ZNF30: variants seen among roughly 807,000 people sequenced by gnomAD.
The protein encoded by ZNF30 is zinc finger protein 30 (KOX 28).
ZNF30 carries 15 observed loss-of-function variants against 13.2 expected under a neutral mutation model. That is an observed-to-expected ratio of 1.13 (90% confidence interval 0.76 to 1.75). ZNF30 has a LOEUF of 1.75. Among genes scored for constraint, ZNF30 ranks in the 40% most tolerant of loss-of-function variants. ZNF30 has a pLI of 0.00. For missense variants in ZNF30, 726 were observed against 757.0 expected (o/e 0.96, Z 0.48); for synonymous variants, 223 against 256.6 (o/e 0.87, Z 1.25).
chr19:34,928,252 T>TATATATATAG (rs1325117057), intron 1 of ZNF30, among the ~76,000 whole-genome samples: 145 of 56,436 alleles, frequency 2.6e-3, no homozygotes, highest in Middle Eastern at 0.012. Flanking sequence ...TATATATATA[T>TATATATATAG]ATAGATAGAT....
chr19:34,931,039 C>CTTTTTTT (rs56153327), intron 2 of ZNF30, among the ~76,000 whole-genome samples: 22 of 122,514 alleles, frequency 1.8e-4, no homozygotes, highest in African/African-American at 2.7e-4. Flanking sequence ...TTCTTTTTTT[C>CTTTTTTT]TTTTTTTTTT....
intron 4 of ZNF30, among the ~76,000 whole-genome samples, chr19:34,940,694 A>G (rs1470724045): frequency 7.3e-6 from 1 of 136,758 alleles, no homozygotes; most frequent in African/African-American, 3.0e-5. Flanking sequence ...AAAAAAAAAT[A>G]GAATATCATA....
In ZNF30 at chr19:34,943,660, T is replaced by C. The variant is rs763451196; in HGVS notation, c.694T>C (p.Tyr232His). Residue 232 changes from tyrosine to histidine, a missense_variant, in exon 5 of 5, where the codon TAT becomes CAT. By Grantham distance (83) the Tyr-to-His change is moderately conservative. Coordinates refer to ENST00000601142, the MANE Select transcript of ZNF30 (RefSeq NM_194325.3). ...GAGTATTCATACTGGGAAGAAACCA[T>C]ATGAGTGCGGGGAATGTGGGAAAGC... ...HKSIHTGKKP[Y>H]ECGECGKAFL... 5 of 1,613,696 alleles carry C rather than the reference T, an allele frequency of 3.1e-6. No homozygotes were observed. Among genetic ancestry groups the C allele is most frequent in the Non-Finnish European group, 3.4e-6 (4 of 1,179,782 alleles).
chr19:34,942,799 T>C (rs1312681618), intron 4 of ZNF30: 1 of 345,742 alleles, frequency 2.9e-6, no homozygotes, highest in Non-Finnish European at 5.5e-6. Flanking sequence ...TGTGGAAAGA[T>C]ACATGGATTT....
At position 34,943,254 on chromosome 19, in the gene ZNF30, T is replaced by C. The variant is rs754308368; in HGVS notation, c.288T>C (p.Cys96=). Reference sequence around the variant, plus strand: ...AGTTGGAAGATGATACAATCGGCTGTAAAGAAATGCCCACCTCTGAAAACT... The same window carrying C: ...AGTTGGAAGATGATACAATCGGCTGCAAAGAAATGCCCACCTCTGAAAACT... ...DLQLEDDTIG[C]KEMPTSENCP... Residue 96 remains cysteine (C), a synonymous_variant, in exon 5 of 5, where the codon TGT becomes TGC. Transcript: ENST00000601142. The C allele has an allele frequency of 1.9e-6, 3 of 1,603,796 alleles. No individual in the cohort carries two copies. The highest frequency in any genetic ancestry group is 2.6e-6 in the Non-Finnish European group (3 of 1,175,010).
chr19:34,927,927 G>A (rs2012165279), intron 1 of ZNF30, among the ~76,000 whole-genome samples: 2 of 152,272 alleles, frequency 1.3e-5, no homozygotes, highest in South Asian at 4.1e-4. Context: ...AACAGGTCGG[G>A]TGCCATGGCT....
intron 4 of ZNF30, among the ~76,000 whole-genome samples, chr19:34,935,085 G>A (rs1600223558): frequency 6.6e-6 from 1 of 152,136 alleles, no homozygotes; most frequent in South Asian, 2.1e-4. Context: ...CAAAAAATTG[G>A]CCAGGCGTGG....
chr19:34,943,237 G>A lies in ZNF30; in HGVS notation c.271G>A (p.Asp91Asn). The change falls in exon 5 of 5, where the codon GAT becomes AAT. Residue 91 changes from aspartate (D) to asparagine (N), a missense_variant. Physicochemically the swap from Asp to Asn is conservative, Grantham distance 23. Coordinates refer to ENST00000601142, the MANE Select transcript of ZNF30 (RefSeq NM_194325.3). Reference protein sequence around the residue: ...RRWCTDLQLEDDTIGCKEMPT... With the variant: ...RRWCTDLQLENDTIGCKEMPT... ...TTTTCTTTCAGATTTGCAGTTGGAA[G>A]ATGATACAATCGGCTGTAAAGAAAT... 1 of 1,548,220 alleles carries A rather than the reference G, an allele frequency of 6.5e-7. No individual in the cohort carries two copies. Among genetic ancestry groups the A allele is most frequent in the Non-Finnish European group, 8.7e-7 (1 of 1,147,176 alleles).
At chr19:34,935,894 A>G (rs888137436) in intron 4 of ZNF30, among the ~76,000 whole-genome samples, 17 of 152,166 alleles carry the variant, frequency 1.1e-4, no homozygotes, top group Non-Finnish European at 1.5e-5. Context: ...TCACAGTTCC[A>G]TGTGGCTGAG....
chr19:34,944,875 T>C lies in ZNF30; in HGVS notation c.*37T>C. ...GTGTGGGAAGTGCTTCGTGTGTGGC[T>C]CAAACATTGTTGAACATCGGGGAAT... On this transcript the variant is annotated 3_prime_UTR_variant, in exon 5 of 5. Transcript: ENST00000601142. The C allele has an allele frequency of 6.6e-7, 1 of 1,508,870 alleles. No homozygotes were observed. Among genetic ancestry groups the C allele is most frequent in the Non-Finnish European group, 8.9e-7 (1 of 1,127,100 alleles). 93.5% of individuals were successfully genotyped at this position (1,508,870 alleles called of 1,614,324 possible).
At chr19:34,924,755 C>A (rs2012006063), upstream of ZNF30, among the ~76,000 whole-genome samples, 1 of 152,164 alleles carries the variant, frequency 6.6e-6, no homozygotes, top group Admixed American at 6.6e-5. Flanking sequence ...AATAGATACC[C>A]AATGAGTTTC....
At chr19:34,936,865 T>C (rs1415934836) in intron 4 of ZNF30, among the ~76,000 whole-genome samples, 1 of 151,972 alleles carries the variant, frequency 6.6e-6, no homozygotes, top group Non-Finnish European at 1.5e-5. Flanking sequence ...CACTGCACTC[T>C]AGCCTGGGCA....
intron 3 of ZNF30, among the ~76,000 whole-genome samples, chr19:34,932,507 A>G (rs1198610145): frequency 1.3e-5 from 2 of 152,312 alleles, no homozygotes; most frequent in African/African-American, 2.4e-5. Flanking sequence ...TCTTAGCAAA[A>G]TAACAATAAT....
rs1397697731 is a variant in ZNF30, at chr19:34,933,651, G to A, written c.184G>A (p.Val62Met). 1.2e-6 allele frequency: 2 copies of A among 1,601,188 alleles called. No homozygotes were observed. The highest frequency in any genetic ancestry group is 1.7e-6 in the Non-Finnish European group (2 of 1,173,600). Residue 62 changes from valine (V) to methionine (M), a missense_variant, in exon 4 of 5, where the codon GTG becomes ATG. Physicochemically the swap from Val to Met is conservative, Grantham distance 21. Transcript: ENST00000601142. ...AGGACATTCCCGTTCTAAACCACATGTGATCGCCTTATTGGAACAATGGAA... is the reference window on the plus strand; with the variant it reads ...AGGACATTCCCGTTCTAAACCACATATGATCGCCTTATTGGAACAATGGAA... Reference protein sequence around the residue: ...SMGHSRSKPHVIALLEQWKEP... With the variant: ...SMGHSRSKPHMIALLEQWKEP...
At chr19:34,935,277 G>C (rs745730989) in intron 4 of ZNF30, among the ~76,000 whole-genome samples, 18 of 151,882 alleles carry the variant, frequency 1.2e-4, no homozygotes, top group Admixed American at 8.5e-4. Flanking sequence ...ATAACGTCAG[G>C]CTTACAAAAA....
At chr19:34,926,836 G>A (rs987611389), upstream of ZNF30, 2 of 396,446 alleles carry the variant, frequency 5.0e-6, no homozygotes, top group Admixed American at 4.4e-5. Flanking sequence ...AGCAACTCGA[G>A]CGCCTGCGCC....
Position 34,944,070 on chromosome 19 carries a change from G to T in ZNF30, c.1104G>T (p.Glu368Asp). 2.5e-6 allele frequency: 4 copies of T among 1,613,586 alleles called. No homozygotes were observed. Among genetic ancestry groups the T allele is most frequent in the Non-Finnish European group, 3.4e-6 (4 of 1,179,722 alleles). The change falls in exon 5 of 5, where the codon GAG becomes GAT. Residue 368 changes from glutamate to aspartate, a missense_variant. Coordinates refer to ENST00000601142, the MANE Select transcript of ZNF30 (RefSeq NM_194325.3). ...ATGCACATCAGCGAATTCATGCAGAGATAAAGCCCTACGGATGCAAGGAAT... is the reference window on the plus strand; with the variant it reads ...ATGCACATCAGCGAATTCATGCAGATATAAAGCCCTACGGATGCAAGGAAT... ...FLHAHQRIHA[E>D]IKPYGCKECG... is the part of the protein sequence containing the mutation.
At position 34,943,975 on chromosome 19, in the gene ZNF30, A is replaced by G; in HGVS notation, c.1009A>G (p.Ile337Val). Residue 337 changes from isoleucine to valine, a missense_variant, in exon 5 of 5, where the codon ATT (isoleucine) becomes GTT (valine). Physicochemically the swap from Ile to Val is conservative, Grantham distance 29 (BLOSUM62 3). Coordinates refer to ENST00000601142, the MANE Select transcript of ZNF30 (RefSeq NM_194325.3). ...VYGQLTRHQS[I>V]HTGEKPFECK... ...TGGACAGCTTACTCGACATCAGAGTATTCATACTGGTGAGAAACCTTTTGA... is the reference window on the plus strand; with the variant it reads ...TGGACAGCTTACTCGACATCAGAGTGTTCATACTGGTGAGAAACCTTTTGA... 3 of 1,614,142 alleles carry G rather than the reference A, an allele frequency of 1.9e-6. No individual in the cohort carries two copies. The highest frequency in any genetic ancestry group is 2.5e-6 in the Non-Finnish European group (3 of 1,180,020).
intron 4 of ZNF30, among the ~76,000 whole-genome samples, chr19:34,942,200 T>C (rs533876749): frequency 9.1e-4 from 138 of 152,208 alleles, no homozygotes; most frequent in Non-Finnish European, 1.8e-3. Flanking sequence ...CCCAGCACTT[T>C]GGGAGGGTGA....
Sources: gnomAD v4.1 joint callset for allele counts (sites outside exome capture counted in the v4.1 genomes callset) on GRCh38, gnomAD v4.1.1 for gene constraint, MANE v1.5 for transcripts, NCBI Gene and HGNC (gene_info 2026-07-23, HGNC 2026-07-21) for gene names.